SPAG16: variants seen among roughly 807,000 people sequenced by gnomAD.
The protein encoded by SPAG16 is sperm associated antigen 16.
SPAG16 carries 86 observed loss-of-function variants against 80.4 expected under a neutral mutation model. The ratio of observed to expected loss-of-function variants is 1.07; its 90% CI spans 0.90 to 1.28. The LOEUF (loss-of-function observed/expected upper bound fraction) is 1.28, where lower values mean the gene tolerates loss of function less well. SPAG16 is among the 50% of genes most tolerant of loss of function. SPAG16 has a pLI of 0.00. For synonymous variants in SPAG16, 294 were observed against 265.9 expected, an observed-to-expected ratio of 1.11 and a Z score of -1.03; for missense variants, 870 against 765.3, an observed-to-expected ratio of 1.14 and a Z score of -1.61.
At chr2:213,445,666 CAA>C (rs376431167) in intron 9 of SPAG16, among the ~76,000 whole-genome samples, 1 of 151,442 alleles carries the variant, frequency 6.6e-6, no homozygotes. Flanking sequence ...AACTCCGTCT[CAA>C]AAAAAATGAC....
chr2:214,250,757 TAG>T (rs1171199832), intron 15 of SPAG16, among the ~76,000 whole-genome samples: 3,200 of 91,012 alleles, frequency 0.035, 45 homozygotes, highest in Non-Finnish European at 0.041. Context: ...TATATATATA[TAG>T]AGAGAGAGAG....
At chr2:214,309,718 T>C (rs1031382898) in intron 15 of SPAG16, among the ~76,000 whole-genome samples, 14 of 152,186 alleles carry the variant, frequency 9.2e-5, no homozygotes, top group African/African-American at 3.1e-4. Context: ...GGGACTTCTA[T>C]TGGGCCCCAA....
At chr2:213,839,873 A>T (rs2074282567) in intron 10 of SPAG16, among the ~76,000 whole-genome samples, 1 of 152,198 alleles carries the variant, frequency 6.6e-6, no homozygotes, top group African/African-American at 2.4e-5. Flanking sequence ...TCCTGCTAAC[A>T]GCTGTAGAAA....
rs988847295 is a variant in SPAG16 at position 213,489,006 on chromosome 2, C to T, written c.943-957C>T. On this transcript the variant is annotated intron_variant, in intron 9 of 15. Transcript: ENST00000331683. ...ACGGGAATCGCCTGAATCCGGAAGG[C>T]GGAGGTTGCAGTGAGCCAAGATCCC... Among the ~76,000 whole-genome samples, 21 of 143,458 alleles carry T rather than the reference C, an allele frequency of 1.5e-4. 1 individual carries two copies. The highest frequency in any genetic ancestry group is 2.9e-4 in the Non-Finnish European group (19 of 65,232). 94.1% of individuals were successfully genotyped at this position (143,458 alleles called of 152,430 possible).
intron 10 of SPAG16, among the ~76,000 whole-genome samples, chr2:213,643,729 G>A (rs764257355): frequency 1.6e-5 from 2 of 122,164 alleles, no homozygotes; most frequent in Admixed American, 8.1e-5. Context: ...TCTTACGATT[G>A]TGTGTTTTCA....
At chr2:213,667,897 A>G (rs908205874) in intron 10 of SPAG16, among the ~76,000 whole-genome samples, 3 of 151,846 alleles carry the variant, frequency 2.0e-5, no homozygotes, top group African/African-American at 7.3e-5. Context: ...TTAATTTTAT[A>G]TAATTATAAA....
At position 213,760,148 on chromosome 2, in the gene SPAG16, A is replaced by T. The variant is rs542870109; in HGVS notation, c.1071-102337A>T. ...GAGCTAATCAAAAGACTGGCAAAAT[A>T]GATTTTTTTAAAAAAGATCTATGTG... On this transcript the variant is annotated intron_variant, in intron 10 of 15. Transcript: ENST00000331683. Among the ~76,000 whole-genome samples, 3 of 152,336 alleles carry T rather than the reference A, an allele frequency of 2.0e-5. No homozygotes were observed. The South Asian group carries it at 6.2e-4, about 32-fold the overall frequency.
At chr2:214,210,818 TACAC>T (rs999477679) in intron 15 of SPAG16, among the ~76,000 whole-genome samples, 1 of 150,262 alleles carries the variant, frequency 6.7e-6, no homozygotes, top group Non-Finnish European at 1.5e-5. Flanking sequence ...AGCAAAAAAA[TACAC>T]ACACACATGC....
At chr2:213,557,441 A>C (rs2059460420) in intron 10 of SPAG16, among the ~76,000 whole-genome samples, 1 of 152,022 alleles carries the variant, frequency 6.6e-6, no homozygotes, top group African/African-American at 2.4e-5. Context: ...ATCTAATTAT[A>C]ATTATATGTG....
At chr2:213,550,264 T>C (rs907795194) in intron 10 of SPAG16, among the ~76,000 whole-genome samples, 5 of 152,030 alleles carry the variant, frequency 3.3e-5, no homozygotes. Flanking sequence ...ACAATGCTAC[T>C]TTTCCACCAA....
intron 10 of SPAG16, among the ~76,000 whole-genome samples, chr2:213,805,725 A>G (rs2071726520): frequency 6.6e-6 from 1 of 152,198 alleles, no homozygotes; most frequent in African/African-American, 2.4e-5. Flanking sequence ...ACATAATTAC[A>G]CATAACCTTT....
intron 15 of SPAG16, among the ~76,000 whole-genome samples, chr2:214,205,060 C>A (rs1036694164): frequency 2.0e-5 from 3 of 152,098 alleles, no homozygotes; most frequent in Non-Finnish European, 4.4e-5. Flanking sequence ...GAAACCCCGT[C>A]TCTACTAAAA....
intron 12 of SPAG16, among the ~76,000 whole-genome samples, chr2:214,012,637 C>T (rs2047370286): frequency 6.6e-6 from 1 of 151,860 alleles, no homozygotes; most frequent in South Asian, 2.1e-4. Context: ...TATATTGACT[C>T]CTCTGTTCTG....
intron 10 of SPAG16, among the ~76,000 whole-genome samples, chr2:213,673,284 TA>T (rs912113016): frequency 1.3e-5 from 2 of 152,142 alleles, no homozygotes; most frequent in Non-Finnish European, 2.9e-5. Flanking sequence ...ATAAAACATC[TA>T]AAAAATGGTT....
intron 13 of SPAG16, among the ~76,000 whole-genome samples, chr2:214,050,680 A>G (rs573650827): frequency 3.3e-5 from 5 of 152,284 alleles, no homozygotes; most frequent in South Asian, 4.1e-4. Flanking sequence ...TTGCCTCATT[A>G]TCATTGCAAC....
chr2:213,408,942 G>A (rs903131020), intron 9 of SPAG16, among the ~76,000 whole-genome samples: 4 of 152,016 alleles, frequency 2.6e-5, no homozygotes, highest in African/African-American at 7.3e-5. Context: ...AGTGTAACAC[G>A]TATTATCCTA....
At chr2:214,172,532 G>A (rs2056910180) in intron 15 of SPAG16, among the ~76,000 whole-genome samples, 1 of 152,086 alleles carries the variant, frequency 6.6e-6, no homozygotes, top group Admixed American at 6.6e-5. Flanking sequence ...CCAAGTCTTT[G>A]CTGTTGTGAA....
intron 13 of SPAG16, among the ~76,000 whole-genome samples, chr2:214,099,959 T>C (rs1339747757): frequency 6.6e-6 from 1 of 152,058 alleles, no homozygotes; most frequent in Non-Finnish European, 1.5e-5. Context: ...GTCACTGATA[T>C]GGTTTGGCTC....
chr2:214,101,782 A>T (rs1319141923), intron 13 of SPAG16, among the ~76,000 whole-genome samples: 1 of 152,178 alleles, frequency 6.6e-6, no homozygotes, highest in African/African-American at 2.4e-5. Flanking sequence ...TTACAATAGT[A>T]CCTATCTCCT....
Sources: allele counts gnomAD v4.1 joint callset (sites outside exome capture counted in the v4.1 genomes callset), GRCh38; gene constraint gnomAD v4.1.1; transcripts MANE v1.5; gene names NCBI Gene and HGNC (gene_info 2026-07-23, HGNC 2026-07-21).